Variants in ZBTB7C observed in about 807,000 individuals in gnomAD.
ZBTB7C encodes zinc finger and BTB domain containing 7C, also known as zinc finger and BTB domain-containing protein 7C.
Under a neutral mutation model 25.7 loss-of-function variants are expected in ZBTB7C, and 8 were observed. That is an observed-to-expected ratio of 0.31 (90% CI 0.18 to 0.56). ZBTB7C has a LOEUF of 0.56. Ranked by LOEUF, ZBTB7C falls within the 20% of genes least tolerant of loss-of-function variation. The pLI is 0.91. For missense variants in ZBTB7C, 824 were observed against 855.2 expected (o/e 0.96, Z 0.46); for synonymous variants, 394 against 369.0 (o/e 1.07, Z -0.78).
intron 2 of ZBTB7C, among the ~76,000 whole-genome samples, chr18:48,293,113 T>C (rs1444704148): frequency 4.6e-5 from 7 of 152,208 alleles, no homozygotes; most frequent in African/African-American, 9.6e-5. Flanking sequence ...AACCACTGTC[T>C]TAGTCCGTGT....
intron 3 of ZBTB7C, among the ~76,000 whole-genome samples, chr18:48,111,587 C>T (rs747361768): frequency 1.1e-4 from 17 of 152,038 alleles, no homozygotes; most frequent in African/African-American, 2.4e-4. Context: ...GGCTGGGGGT[C>T]GGCAGGAGGG....
intron 2 of ZBTB7C, among the ~76,000 whole-genome samples, chr18:48,229,926 C>T (rs2043207170): frequency 6.6e-6 from 1 of 152,180 alleles, no homozygotes; most frequent in Non-Finnish European, 1.5e-5. Context: ...CTGGCAGGCT[C>T]TGCTTTCCGG....
intron 3 of ZBTB7C, among the ~76,000 whole-genome samples, chr18:48,109,373 TCTGCCCTTTCC>T (rs1169738848): frequency 6.6e-6 from 1 of 152,190 alleles, no homozygotes; most frequent in South Asian, 2.1e-4. Context: ...GCACATGACT[TCTGCCCTTTCC>T]CTTTCATATC....
At chr18:48,071,254 G>A (rs2037529959) in intron 3 of ZBTB7C, among the ~76,000 whole-genome samples, 1 of 152,150 alleles carries the variant, frequency 6.6e-6, no homozygotes, top group Non-Finnish European at 1.5e-5. Context: ...TGACATTAGA[G>A]TCTCTAAGAA....
intron 1 of ZBTB7C, among the ~76,000 whole-genome samples, chr18:48,379,339 A>G (rs1383410317): frequency 6.6e-6 from 1 of 152,136 alleles, no homozygotes; most frequent in African/African-American, 2.4e-5. Context: ...GTTATTCCAG[A>G]TATTTGCTTT....
chr18:48,374,321 G>A (rs2047464442), intron 1 of ZBTB7C: 1 of 152,228 alleles, frequency 6.6e-6, no homozygotes, highest in East Asian at 1.9e-4. Context: ...CTTCTGGAAG[G>A]AGAGAGGCAT....
chr18:48,168,770 GT>G (rs1388784994), intron 3 of ZBTB7C, among the ~76,000 whole-genome samples: 2 of 152,222 alleles, frequency 1.3e-5, no homozygotes, highest in Non-Finnish European at 2.9e-5. Context: ...TTTCGTGGAA[GT>G]TGCGTAAAGG....
intron 1 of ZBTB7C, among the ~76,000 whole-genome samples, chr18:48,359,879 CT>C (rs937669994): frequency 2.0e-5 from 3 of 152,198 alleles, no homozygotes; most frequent in African/African-American, 7.2e-5. Context: ...TCTGTGGGGA[CT>C]TGGGAGATTT....
intron 2 of ZBTB7C, among the ~76,000 whole-genome samples, chr18:48,308,259 T>C (rs569373075): frequency 6.6e-6 from 1 of 152,292 alleles, no homozygotes; most frequent in Admixed American, 6.5e-5. Context: ...AGATTCCCCA[T>C]CTCAGAGGAA....
chr18:48,280,770 C>G (rs1033018833), intron 2 of ZBTB7C, among the ~76,000 whole-genome samples: 1 of 152,052 alleles, frequency 6.6e-6, no homozygotes, highest in East Asian at 1.9e-4. Context: ...CACTCAGTAG[C>G]CAACTGGTCC....
intron 3 of ZBTB7C, among the ~76,000 whole-genome samples, chr18:48,118,898 T>C (rs1417404365): frequency 6.6e-6 from 1 of 152,210 alleles, no homozygotes; most frequent in Non-Finnish European, 1.5e-5. Flanking sequence ...TCTTTCTGCC[T>C]GATGTGGATT....
At chr18:48,219,486 C>G (rs1455748993) in intron 2 of ZBTB7C, among the ~76,000 whole-genome samples, 1 of 152,206 alleles carries the variant, frequency 6.6e-6, no homozygotes, top group African/African-American at 2.4e-5. Flanking sequence ...CAGGTGGGGA[C>G]ACTGAGGTAC....
At chr18:48,295,859 G>T (rs1348178939) in intron 2 of ZBTB7C, among the ~76,000 whole-genome samples, 1 of 152,170 alleles carries the variant, frequency 6.6e-6, no homozygotes, top group Non-Finnish European at 1.5e-5. Flanking sequence ...GTGGGGAAGA[G>T]ATAGGGGTCA....
At chr18:48,271,308 C>T (rs1164962237) in intron 2 of ZBTB7C, among the ~76,000 whole-genome samples, 1 of 152,010 alleles carries the variant, frequency 6.6e-6, no homozygotes, top group African/African-American at 2.4e-5. Flanking sequence ...GTTGACTAGG[C>T]TCACTTATGA....
intron 2 of ZBTB7C, among the ~76,000 whole-genome samples, chr18:48,208,692 G>A (rs1405050869): frequency 6.6e-6 from 1 of 152,194 alleles, no homozygotes; most frequent in African/African-American, 2.4e-5. Flanking sequence ...CCTTGGCCTG[G>A]CTCGGAAGCC....
At chr18:48,119,697 C>T (rs1293370223) in intron 3 of ZBTB7C, among the ~76,000 whole-genome samples, 3 of 152,212 alleles carry the variant, frequency 2.0e-5, no homozygotes, top group East Asian at 3.8e-4. Flanking sequence ...TTAGGTCCAT[C>T]CTGGGTGCCT....
At chr18:48,270,632 G>A (rs1225318233) in intron 2 of ZBTB7C, among the ~76,000 whole-genome samples, 1 of 149,600 alleles carries the variant, frequency 6.7e-6, no homozygotes, top group East Asian at 2.0e-4. Flanking sequence ...AGAGGTTGCA[G>A]TGAGCCAAGA....
At chr18:48,352,537 C>T (rs539984662) in intron 1 of ZBTB7C, among the ~76,000 whole-genome samples, 5 of 152,282 alleles carry the variant, frequency 3.3e-5, no homozygotes, top group African/African-American at 1.2e-4. Flanking sequence ...TCTTCATCTG[C>T]TTGGCCAGCC....
chr18:48,208,406 C>T (rs1201521383), intron 2 of ZBTB7C, among the ~76,000 whole-genome samples: 2 of 152,024 alleles, frequency 1.3e-5, no homozygotes, highest in East Asian at 3.9e-4. Context: ...GCTGGCTGTT[C>T]TAGAAGAAAT....
Sources: gnomAD v4.1 joint callset for allele counts (sites outside exome capture counted in the v4.1 genomes callset) on GRCh38, gnomAD v4.1.1 for gene constraint, MANE v1.5 for transcripts, NCBI Gene and HGNC (gene_info 2026-07-23, HGNC 2026-07-21) for gene names.